Variants in GRIN2A observed in about 807,000 individuals in gnomAD.
GRIN2A encodes glutamate ionotropic receptor NMDA type subunit 2A.
GRIN2A carries 22 observed loss-of-function variants against 113.4 expected under a neutral mutation model. That is an observed-to-expected ratio of 0.19 (90% CI 0.14 to 0.28). GRIN2A has a LOEUF of 0.28. Ranked by LOEUF, GRIN2A falls within the 10% of genes least tolerant of loss-of-function variation. GRIN2A has a pLI of 1.00. For synonymous variants in GRIN2A, 827 were observed against 738.4 expected (o/e 1.12, Z -1.94); for missense variants, 1,502 against 1,887.0 (o/e 0.80, Z 3.78).
intron 2 of GRIN2A, among the ~76,000 whole-genome samples, chr16:10,120,421 A>T (rs1175904790): frequency 6.6e-6 from 1 of 152,170 alleles, no homozygotes; most frequent in East Asian, 1.9e-4. Context: ...TCCCAACTTG[A>T]CCAATTAATC....
At chr16:9,951,790 T>G (rs1355717093) in intron 2 of GRIN2A, among the ~76,000 whole-genome samples, 1 of 152,230 alleles carries the variant, frequency 6.6e-6, no homozygotes, top group Non-Finnish European at 1.5e-5. Flanking sequence ...AAGGTCCATT[T>G]GTGTTCATGC....
Position 9,776,095 on chromosome 16 carries a change from T to C in GRIN2A, c.2357-7006A>G, listed in dbSNP as rs541195204. 2.5e-4 allele frequency among the ~76,000 whole-genome samples: 38 copies of C among 152,292 alleles called. No individual in the cohort carries two copies. The South Asian group carries it at 3.7e-3, about 15-fold the overall frequency. ...GCTGGCAAGGATTCATTGTAAACTG[T>C]CACCAATATCATAACCCATTACAGT... On this transcript the variant is annotated intron_variant, in intron 11 of 12. Transcript: ENST00000330684.
Position 9,754,836 on chromosome 16 carries a change from G to C in GRIN2A, c.*8313C>G. 4.5e-6 allele frequency: 1 copy of C among 222,956 alleles called. No individual in the cohort carries two copies. Among genetic ancestry groups the C allele is most frequent in the Non-Finnish European group, 9.0e-6 (1 of 111,590 alleles). The allele number at this position is 222,956 out of a possible 1,614,324, so 13.8% of individuals were successfully genotyped here. ...TTTCTGGATCTTCGCTCTTTGCTCA[G>C]TTATCAATAGTCTTTGATTTGAGCC... On this transcript the variant is annotated 3_prime_UTR_variant, in exon 13 of 13. Coordinates refer to ENST00000330684, the MANE Select transcript of GRIN2A (RefSeq NM_001134407.3).
At chr16:10,156,873 G>T (rs1013961815) in intron 2 of GRIN2A, among the ~76,000 whole-genome samples, 2 of 152,220 alleles carry the variant, frequency 1.3e-5, no homozygotes, top group African/African-American at 4.8e-5. Context: ...AGATGGAGGT[G>T]GGAGGAAGAA....
chr16:9,768,854 G>A lies in GRIN2A; in HGVS notation c.2592C>T (p.Ser864=), dbSNP rs770101996. The A allele has an allele frequency of 5.0e-6, 8 of 1,610,680 alleles. No individual in the cohort carries two copies. The highest frequency in any genetic ancestry group is 5.9e-6 in the Non-Finnish European group (7 of 1,176,836). Residue 864 remains serine, a synonymous_variant, in exon 12 of 13, where the codon AGC becomes AGT. Coordinates refer to ENST00000330684, the MANE Select transcript of GRIN2A (RefSeq NM_001134407.3). Reference sequence around the variant, plus strand: ...AGTAGCCACCCGGTGTACTGACCCTGCTGATGGAGAAGAGCAACCCAGGCC... The same window carrying A: ...AGTAGCCACCCGGTGTACTGACCCTACTGATGGAGAAGAGCAACCCAGGCC... ...SDRPGLLFSI[S]RGIYSCIHGV... is the part of the protein sequence containing the mutation.
At chr16:10,132,690 C>G (rs1415576278) in intron 2 of GRIN2A, among the ~76,000 whole-genome samples, 1 of 152,168 alleles carries the variant, frequency 6.6e-6, no homozygotes, top group Non-Finnish European at 1.5e-5. Flanking sequence ...TCCACAACCA[C>G]AAAATGGGAA....
chr16:9,938,368 T>G lies in GRIN2A; in HGVS notation c.598A>C (p.Met200Leu), dbSNP rs1343930973. The G allele has an allele frequency of 6.2e-7, 1 of 1,614,148 alleles. No homozygotes were observed. Among genetic ancestry groups the G allele is most frequent in the East Asian group, 2.2e-5 (1 of 44,872 alleles). The change falls in exon 3 of 13, where the codon ATG (methionine) becomes CTG (leucine). Residue 200 changes from methionine to leucine, a missense_variant. Coordinates refer to ENST00000330684, the MANE Select transcript of GRIN2A (RefSeq NM_001134407.3). ...GTGTCCAGTGTGATCACATTCTGCA[T>G]GTCCCAGCCCACAAAGCTGTTGTCC... ...TVDNSFVGWD[M>L]QNVITLDTSF...
At chr16:9,885,354 T>A (rs566181038) in intron 4 of GRIN2A, among the ~76,000 whole-genome samples, 1 of 152,072 alleles carries the variant, frequency 6.6e-6, no homozygotes, top group African/African-American at 2.4e-5. Context: ...CTGGGAAGCC[T>A]TGGACTCATC....
At chr16:9,934,163 A>T (rs757187446) in intron 3 of GRIN2A, among the ~76,000 whole-genome samples, 26 of 152,176 alleles carry the variant, frequency 1.7e-4, no homozygotes, top group Admixed American at 1.3e-4. Context: ...CCTATGATGA[A>T]TATCGGGTTG....
chr16:9,911,101 G>A (rs765494961), intron 3 of GRIN2A, among the ~76,000 whole-genome samples: 1 of 151,896 alleles, frequency 6.6e-6, no homozygotes, highest in African/African-American at 2.4e-5. Context: ...TTCCTACTAT[G>A]TGCCTGGCTA....
intron 11 of GRIN2A, among the ~76,000 whole-genome samples, chr16:9,782,953 T>C (rs1234302413): frequency 6.6e-6 from 1 of 152,236 alleles, no homozygotes; most frequent in Non-Finnish European, 1.5e-5. Flanking sequence ...AGTTAAGTCC[T>C]TTATTGCTAA....
intron 2 of GRIN2A, among the ~76,000 whole-genome samples, chr16:10,175,072 C>A (rs1173335437): frequency 6.6e-6 from 1 of 152,170 alleles, no homozygotes; most frequent in Non-Finnish European, 1.5e-5. Context: ...TTTAGTATAG[C>A]ATTCATACAG....
chr16:9,977,589 G>C (rs929298449), intron 2 of GRIN2A, among the ~76,000 whole-genome samples: 6 of 152,192 alleles, frequency 3.9e-5, no homozygotes, highest in Admixed American at 3.9e-4. Flanking sequence ...CCAAAGCTGA[G>C]AGTGGAAGGC....
chr16:9,815,038 A>C (rs911790896), intron 10 of GRIN2A, among the ~76,000 whole-genome samples: 3 of 151,890 alleles, frequency 2.0e-5, no homozygotes, highest in African/African-American at 7.3e-5. Flanking sequence ...AAAAAAAAAA[A>C]AAGGTACATT....
At chr16:9,955,648 G>A (rs2045289060) in intron 2 of GRIN2A, among the ~76,000 whole-genome samples, 1 of 152,194 alleles carries the variant, frequency 6.6e-6, no homozygotes, top group Admixed American at 6.5e-5. Context: ...TGTCCAGAAA[G>A]GCAGGGGCTA....
chr16:10,160,312 C>T (rs2049785074), intron 2 of GRIN2A, among the ~76,000 whole-genome samples: 3 of 152,144 alleles, frequency 2.0e-5, no homozygotes, highest in Admixed American at 2.0e-4. Context: ...ATGGTCTCCC[C>T]AAACCAAGAG....
chr16:10,113,388 T>C (rs974531048), intron 2 of GRIN2A, among the ~76,000 whole-genome samples: 1 of 152,174 alleles, frequency 6.6e-6, no homozygotes, highest in Non-Finnish European at 1.5e-5. Context: ...TACCCTTGGG[T>C]CCTGGCTCCT....
intron 9 of GRIN2A, among the ~76,000 whole-genome samples, chr16:9,828,442 T>G (rs954953048): frequency 6.6e-6 from 1 of 152,256 alleles, no homozygotes. Flanking sequence ...GGATTGATTT[T>G]CTATTCAGCA....
chr16:9,760,374 A>ATTTTTTTGTTT lies in GRIN2A; in HGVS notation c.*2774_*2775insAAACAAAAAAA, dbSNP rs1900528914. 1.1e-5 allele frequency: 1 copy of ATTTTTTTGTTT among 89,550 alleles called. No homozygotes were observed. The highest frequency in any genetic ancestry group is 1.9e-5 in the Non-Finnish European group (1 of 51,648). The allele number at this position is 89,550 out of a possible 1,614,324, so 5.5% of individuals were successfully genotyped here. A position where few individuals can be genotyped will look rare whatever the true frequency, so the allele number is the denominator to read the frequency against. On this transcript the variant is annotated 3_prime_UTR_variant, in exon 13 of 13. Transcript: ENST00000330684. The stretch of plus-strand genomic sequence containing the variant: ...AAATTGACCATCTGATCAGTAGTTG[A>ATTTTTTTGTTT]TTTTTTTTTTTTTTTTTTTTTTTTG...
Sources: allele counts gnomAD v4.1 joint callset (sites outside exome capture counted in the v4.1 genomes callset), GRCh38; gene constraint gnomAD v4.1.1; transcripts MANE v1.5; gene names NCBI Gene and HGNC (gene_info 2026-07-23, HGNC 2026-07-21).